USP34: variants seen among roughly 807,000 people sequenced by gnomAD.
USP34 encodes ubiquitin specific peptidase 34, also known as ubiquitin carboxyl-terminal hydrolase 34.
Under a neutral mutation model 460.3 loss-of-function variants are expected in USP34, and 70 were observed. The observed-to-expected ratio is 0.15, with a 90% CI of 0.13 to 0.19. The LOEUF (loss-of-function observed/expected upper bound fraction) is 0.19, where lower values mean the gene tolerates loss of function less well. USP34 is among the 10% of genes least tolerant of loss of function. USP34 has a pLI of 1.00. For synonymous variants in USP34, 1,647 were observed against 1,405.3 expected (o/e 1.17, Z -3.85); for missense variants, 3,985 against 4,236.2 (o/e 0.94, Z 1.65).
intron 1 of USP34, among the ~76,000 whole-genome samples, chr2:61,438,318 A>G (rs1381698836): frequency 6.6e-6 from 1 of 152,178 alleles, no homozygotes; most frequent in Non-Finnish European, 1.5e-5. Context: ...CGTGATTAAA[A>G]AAAAAACTCT....
intron 20 of USP34, among the ~76,000 whole-genome samples, chr2:61,329,924 T>C (rs1198651625): frequency 2.0e-5 from 3 of 152,176 alleles, no homozygotes; most frequent in Non-Finnish European, 2.9e-5. Flanking sequence ...AACAGTACCA[T>C]ACTGCCTTCC....
At position 61,319,199 on chromosome 2, in the gene USP34, T is replaced by C; in HGVS notation, c.3142A>G (p.Thr1048Ala). Residue 1048 changes from threonine to alanine, a missense_variant, in exon 22 of 80, where the codon ACC becomes GCC. Coordinates refer to ENST00000398571, the MANE Select transcript of USP34 (RefSeq NM_014709.4). ...TTCTCCAGGAAAAGATGTTTGTAGG[T>C]TTCCATACCCATAGCATGTTGATCT... ...SKDQHAMGME[T>A]YKHLFLEKMP... 1 of 1,568,722 alleles carries C rather than the reference T, an allele frequency of 6.4e-7. No homozygotes were observed. Among genetic ancestry groups the C allele is most frequent in the Non-Finnish European group, 8.6e-7 (1 of 1,165,676 alleles).
intron 3 of USP34, among the ~76,000 whole-genome samples, chr2:61,402,407 G>A (rs373369907): frequency 2.0e-5 from 3 of 152,130 alleles, no homozygotes; most frequent in African/African-American, 7.2e-5. Flanking sequence ...GAAGAAGGAA[G>A]GGAGACAGAA....
At chr2:61,331,903 T>A (rs969679279) in intron 19 of USP34, among the ~76,000 whole-genome samples, 1 of 152,010 alleles carries the variant, frequency 6.6e-6, no homozygotes, top group Non-Finnish European at 1.5e-5. Flanking sequence ...ATAACTTCCA[T>A]AATTAACATA....
chr2:61,322,298 G>A (rs1386034960), intron 21 of USP34, among the ~76,000 whole-genome samples: 2 of 152,090 alleles, frequency 1.3e-5, no homozygotes, highest in Non-Finnish European at 2.9e-5. Context: ...AAAGGAAACT[G>A]CCTAAAACAG....
At chr2:61,445,150 C>T (rs1171802002) in intron 1 of USP34, among the ~76,000 whole-genome samples, 2 of 138,808 alleles carry the variant, frequency 1.4e-5, no homozygotes, top group Admixed American at 1.6e-4. Context: ...AATTTGTCAA[C>T]AGCAGAACCA....
In USP34 at chr2:61,228,677, G is replaced by A. The variant is rs902533482; in HGVS notation, c.7411C>T (p.His2471Tyr). ...LSLQAISTMV[H>Y]FYMGTKGPEN... is the part of the protein sequence containing the mutation. ...GGTCCTTTTGTTCCCATGTAAAAAT[G>A]TACCATTGTAGATATAGCTTGCAAT... Residue 2471 changes from histidine (H) to tyrosine (Y), a missense_variant, in exon 61 of 80, where the codon CAT (histidine) becomes TAT (tyrosine). His to Tyr is a moderately conservative substitution (Grantham distance 83). Coordinates refer to ENST00000398571, the MANE Select transcript of USP34 (RefSeq NM_014709.4). The A allele has an allele frequency of 3.1e-6, 5 of 1,611,788 alleles. No homozygotes were observed. The highest frequency in any genetic ancestry group is 2.7e-5 in the African/African-American group (2 of 74,846).
chr2:61,470,448 T>TC (rs1695918790), intron 1 of USP34, among the ~76,000 whole-genome samples: 1 of 149,756 alleles, frequency 6.7e-6, no homozygotes, highest in Non-Finnish European at 1.5e-5. Context: ...CGGCCGCCTC[T>TC]CGGGCGCCCA....
At chr2:61,308,451 G>C (rs760777984) in intron 27 of USP34, among the ~76,000 whole-genome samples, 10 of 151,742 alleles carry the variant, frequency 6.6e-5, no homozygotes, top group Non-Finnish European at 1.5e-4. Flanking sequence ...AACTTAAAAA[G>C]AAAAAAGAAA....
chr2:61,461,089 T>A (rs1284620328), intron 1 of USP34, among the ~76,000 whole-genome samples: 2 of 151,752 alleles, frequency 1.3e-5, no homozygotes, highest in African/African-American at 4.8e-5. Flanking sequence ...GAGCTTTGAA[T>A]TTTGAAAGAA....
chr2:61,320,311 T>A (rs371077669), intron 21 of USP34, among the ~76,000 whole-genome samples: 1 of 152,174 alleles, frequency 6.6e-6, no homozygotes, highest in African/African-American at 2.4e-5. Flanking sequence ...CAGGAAGCCA[T>A]TCCATTGCAG....
rs1686468233 is a variant in USP34, at chr2:61,187,583, TTC to T, written c.*517_*518del. The T allele has an allele frequency of 1.1e-6, 1 of 927,622 alleles. No homozygotes were observed. The highest frequency in any genetic ancestry group is 1.8e-5 in the African/African-American group (1 of 55,846). 57.5% of individuals were successfully genotyped at this position (927,622 alleles called of 1,614,324 possible). A position where few individuals can be genotyped will look rare whatever the true frequency, so the allele number is the denominator to read the frequency against. ...GTGTGCTTTATTTCCTCCACAGGTA[TTC>T]TGTTAAATAAAGCACCATTTATATA... On this transcript the variant is annotated 3_prime_UTR_variant, in exon 80 of 80. Coordinates refer to ENST00000398571, the MANE Select transcript of USP34 (RefSeq NM_014709.4).
chr2:61,453,774 T>C (rs374712855), intron 1 of USP34, among the ~76,000 whole-genome samples: 43 of 151,432 alleles, frequency 2.8e-4, no homozygotes, highest in African/African-American at 1.0e-3. Flanking sequence ...AATTTACATC[T>C]TGACCTGGGA....
intron 21 of USP34, among the ~76,000 whole-genome samples, chr2:61,321,785 G>A (rs150365433): frequency 2.6e-4 from 39 of 152,248 alleles, no homozygotes; most frequent in Non-Finnish European, 4.3e-4. Context: ...GAGCACATCC[G>A]TATAATAGTA....
chr2:61,314,673 T>C lies in USP34; in HGVS notation c.3454A>G (p.Ser1152Gly), dbSNP rs781104898. 10 of 1,603,802 alleles carry C rather than the reference T, an allele frequency of 6.2e-6. No individual in the cohort carries two copies. Among genetic ancestry groups the C allele is most frequent in the Non-Finnish European group, 7.6e-6 (9 of 1,176,708 alleles). Residue 1152 changes from serine (S) to glycine (G), a missense_variant, in exon 25 of 80, where the codon AGT becomes GGT. By Grantham distance (56) the Ser-to-Gly change is moderately conservative. Transcript: ENST00000398571. The part of the protein sequence containing the change: ...CMESLMIASS[S>G]LEQESHSSLM... ...CTTGAGTGTGATTCCTGTTCAAGACTGCTAGAAGCTATCATAAGACTCTCC... is the reference window on the plus strand; with the variant it reads ...CTTGAGTGTGATTCCTGTTCAAGACCGCTAGAAGCTATCATAAGACTCTCC...
chr2:61,282,814 A>G (rs527766386), intron 37 of USP34, among the ~76,000 whole-genome samples: 55 of 152,198 alleles, frequency 3.6e-4, no homozygotes, highest in African/African-American at 1.3e-3. Context: ...GAAAAAAAAA[A>G]GGCCACAGAA....
At chr2:61,276,069 A>G (rs917278998) in intron 41 of USP34, among the ~76,000 whole-genome samples, 2 of 152,244 alleles carry the variant, frequency 1.3e-5, no homozygotes, top group Non-Finnish European at 2.9e-5. Context: ...AATACAAACA[A>G]TAAGTAAATG....
intron 74 of USP34, 86 bp downstream of exon 74, chr2:61,204,170 G>C (rs1167408459): frequency 1.9e-6 from 3 of 1,570,850 alleles, no homozygotes; most frequent in Non-Finnish European, 2.6e-6. Context: ...GGTCACTTAA[G>C]TCTAACCTAT....
chr2:61,194,280 G>C, intron 75 of USP34: 1 of 985,358 alleles, frequency 1.0e-6, no homozygotes, highest in Non-Finnish European at 1.2e-6. Context: ...AACCTAATCT[G>C]GTTGGTGTTT....
Sources: allele counts gnomAD v4.1 joint callset (sites outside exome capture counted in the v4.1 genomes callset), GRCh38; gene constraint gnomAD v4.1.1; transcripts MANE v1.5; gene names NCBI Gene and HGNC (gene_info 2026-07-23, HGNC 2026-07-21).